Variants in ZNF333 observed in about 807,000 individuals in gnomAD.
ZNF333 encodes the protein zinc finger protein 333.
ZNF333 carries 61 observed loss-of-function variants against 76.1 expected under a neutral mutation model. The observed-to-expected ratio is 0.80, with a 90% CI of 0.65 to 0.99. The LOEUF is 0.99. ZNF333 is among the 50% of genes least tolerant of loss of function. The pLI is 0.00. For missense variants in ZNF333, 717 were observed against 822.4 expected (o/e 0.87, Z 1.57); for synonymous variants, 284 against 305.0 (o/e 0.93, Z 0.72).
At chr19:14,709,421 G>A (rs1424872568) in intron 7 of ZNF333, among the ~76,000 whole-genome samples, 1 of 152,156 alleles carries the variant, frequency 6.6e-6, no homozygotes. Context: ...AGATACTAGG[G>A]GTTAAGACTT....
intron 11 of ZNF333, among the ~76,000 whole-genome samples, chr19:14,727,324 G>A (rs537185426): frequency 1.1e-4 from 17 of 152,206 alleles, no homozygotes; most frequent in African/African-American, 1.7e-4. Flanking sequence ...CACCAAGCCC[G>A]GCCCAAGAAA....
At chr19:14,728,224 T>A (rs1221135139) in intron 11 of ZNF333, among the ~76,000 whole-genome samples, 1 of 152,214 alleles carries the variant, frequency 6.6e-6, no homozygotes. Context: ...AAAAAAAATT[T>A]TTTTTTCAGA....
chr19:14,702,357 A>G (rs2041981313), intron 5 of ZNF333, among the ~76,000 whole-genome samples: 1 of 152,188 alleles, frequency 6.6e-6, no homozygotes, highest in African/African-American at 2.4e-5. Context: ...TCTGCAAAAC[A>G]TACAAAAATT....
chr19:14,727,003 G>A (rs1267150470), intron 11 of ZNF333, among the ~76,000 whole-genome samples: 1 of 147,244 alleles, frequency 6.8e-6, no homozygotes, highest in Non-Finnish European at 1.5e-5. Context: ...CTGAGGCTGG[G>A]TAATTTATAA....
chr19:14,720,349 C>T lies in ZNF333; in HGVS notation c.*1024C>T, dbSNP rs1365380354. 10 of 985,282 alleles carry T rather than the reference C, an allele frequency of 1.0e-5. No homozygotes were observed. The highest frequency in any genetic ancestry group is 1.7e-5 in the African/African-American group (1 of 57,214). 61.0% of individuals were successfully genotyped at this position (985,282 alleles called of 1,614,324 possible). On this transcript the variant is annotated 3_prime_UTR_variant, in exon 12 of 12. Transcript: ENST00000292530. ...ATGGTTTCATGTAGCCACATCTCTC[C>T]ACTTCTTGCCTTTTGGACAAGTAGA... is the stretch of plus-strand genomic sequence containing the variant.
chr19:14,717,830 C>T (rs996091551), intron 11 of ZNF333, 97 bp downstream of exon 11: 54 of 1,235,768 alleles, frequency 4.4e-5, no homozygotes, highest in Non-Finnish European at 5.8e-5. Context: ...AAGAGCGATT[C>T]GAGGCAAGAA....
chr19:14,693,587 C>A (rs1325063957), intron 2 of ZNF333, 93 bp downstream of exon 2: 2 of 1,432,900 alleles, frequency 1.4e-6, no homozygotes, highest in African/African-American at 1.4e-5. Flanking sequence ...CACTTCCGTC[C>A]CCAACTGAGG....
intron 5 of ZNF333, among the ~76,000 whole-genome samples, chr19:14,700,037 C>T (rs1292248310): frequency 6.6e-6 from 1 of 151,676 alleles, no homozygotes; most frequent in Non-Finnish European, 1.5e-5. Flanking sequence ...CAGGGTCTTG[C>T]TCTGCCACAC....
chr19:14,698,935 T>TATATATATATATATATATATAC (rs1180611568), intron 4 of ZNF333, among the ~76,000 whole-genome samples: 1 of 139,332 alleles, frequency 7.2e-6, no homozygotes, highest in African/African-American at 2.8e-5. Context: ...TATATATATA[T>TATATATATATATATATATATAC]ACACACATAT....
rs532462005 is a variant in ZNF333 at position 14,721,764 on chromosome 19, G to A, written c.*2439G>A. 5 of 152,288 alleles carry A rather than the reference G, an allele frequency of 3.3e-5. No homozygotes were observed. In the South Asian group the frequency reaches 1.0e-3, roughly 32 times the overall value. 9.4% of individuals were successfully genotyped at this position (152,288 alleles called of 1,614,324 possible). ...TCAAGGCTGAATAGTATTCCATTGTGTAGATATACCACATTTTCTTTATCC... is the reference window on the plus strand; with the variant it reads ...TCAAGGCTGAATAGTATTCCATTGTATAGATATACCACATTTTCTTTATCC... On this transcript the variant is annotated 3_prime_UTR_variant, in exon 12 of 12. Coordinates refer to ENST00000292530, the MANE Select transcript of ZNF333 (RefSeq NM_032433.4).
intron 1 of ZNF333, among the ~76,000 whole-genome samples, 199 bp from the exon 2 acceptor site, chr19:14,693,252 G>A (rs10404773): frequency 0.26 from 40,069 of 152,154 alleles, 5,501 homozygotes; most frequent in Middle Eastern, 0.4. Flanking sequence ...AAGTTAAAAT[G>A]TTCCTTTGAT....
downstream of ZNF333, among the ~76,000 whole-genome samples, chr19:14,724,649 C>G (rs926845307): frequency 3.3e-5 from 5 of 152,164 alleles, no homozygotes; most frequent in African/African-American, 1.2e-4. Context: ...GCCTGTAATC[C>G]CAGCTACTCT....
intron 1 of ZNF333, 94 bp downstream of exon 1, chr19:14,690,244 G>C (rs961754019): frequency 1.3e-5 from 2 of 152,212 alleles, no homozygotes; most frequent in Non-Finnish European, 1.5e-5. Flanking sequence ...CCGCCTGTGT[G>C]AGGGGTTTCC....
chr19:14,707,783 C>A, intron 7 of ZNF333: 1 of 307,678 alleles, frequency 3.3e-6, no homozygotes, highest in Non-Finnish European at 6.0e-6. Context: ...GATCTCCTGA[C>A]CTCGTGATCC....
At chr19:14,695,246 C>A in intron 3 of ZNF333, 113 bp downstream of exon 3, 3 of 1,404,728 alleles carry the variant, frequency 2.1e-6, no homozygotes, top group Non-Finnish European at 2.9e-6. Context: ...TTAGCGTCCA[C>A]AGGATGACAA....
intron 11 of ZNF333, 93 bp from the exon 12 acceptor site, chr19:14,718,135 A>G (rs1417883038): frequency 8.1e-6 from 12 of 1,488,570 alleles, no homozygotes; most frequent in Admixed American, 6.9e-5. Context: ...TATCAGATAT[A>G]GAACTGTCTT....
chr19:14,731,141 C>A, intron 11 of ZNF333: 2 of 1,527,754 alleles, frequency 1.3e-6, no homozygotes, highest in Non-Finnish European at 1.8e-6. Context: ...TCTTCTCTTT[C>A]CCTCATTCTT....
rs1330975746 is a variant in ZNF333, at chr19:14,717,711, T to G, written c.878T>G (p.Ile293Ser). The G allele has an allele frequency of 3.7e-6, 6 of 1,613,998 alleles. No homozygotes were observed. Among genetic ancestry groups the G allele is most frequent in the Non-Finnish European group, 4.2e-6 (5 of 1,179,994 alleles). Reference protein sequence around the residue: ...AIPSQDTFTEILSIDVKGEQP... With the variant: ...AIPSQDTFTESLSIDVKGEQP... ...CCTAGCCAAGATACTTTTACAGAGA[T>G]CCTGTCCATTGATGTGAAAGGGGTA... Residue 293 changes from isoleucine (I) to serine (S), a missense_variant, in exon 11 of 12, where the codon ATC becomes AGC. By Grantham distance (142) the Ile-to-Ser change is moderately radical (BLOSUM62 -2). Coordinates refer to ENST00000292530, the MANE Select transcript of ZNF333 (RefSeq NM_032433.4).
At chr19:14,731,977 G>A (rs2042675462) in exon 12 of ZNF333, 1 of 152,070 alleles carries the variant, frequency 6.6e-6, no homozygotes, top group African/African-American at 2.4e-5. Flanking sequence ...GTCCTTAAAG[G>A]GGCTGTGTGT....
Sources: allele counts gnomAD v4.1 joint callset (sites outside exome capture counted in the v4.1 genomes callset), GRCh38; gene constraint gnomAD v4.1.1; transcripts MANE v1.5; gene names NCBI Gene and HGNC (gene_info 2026-07-23, HGNC 2026-07-21).